Variants in MAPKAP1 observed in about 807,000 individuals in gnomAD.
MAPKAP1 encodes target of rapamycin complex 2 subunit MAPKAP1.
MAPKAP1 carries 20 observed loss-of-function variants against 65.7 expected under a neutral mutation model. That is an observed-to-expected ratio of 0.30 (90% confidence interval 0.21 to 0.44). The LOEUF (loss-of-function observed/expected upper bound fraction) is 0.44, where lower values mean the gene tolerates loss of function less well. Ranked by LOEUF, MAPKAP1 falls within the 20% of genes least tolerant of loss-of-function variation. The probability of loss-of-function intolerance (pLI) is 1.00; values close to 1 mark genes in which losing one functional copy is unlikely to be tolerated. For missense variants in MAPKAP1, 423 were observed against 648.0 expected (o/e 0.65, Z 3.77); for synonymous variants, 222 against 244.3 (o/e 0.91, Z 0.85).
chr9:125,629,597 TG>T (rs1379025443), intron 4 of MAPKAP1, among the ~76,000 whole-genome samples: 1 of 152,198 alleles, frequency 6.6e-6, no homozygotes, highest in African/African-American at 2.4e-5. Context: ...AAAAAGTAGC[TG>T]CCAGGGCTGG....
At chr9:125,479,981 A>C (rs1854248597) in intron 9 of MAPKAP1, among the ~76,000 whole-genome samples, 1 of 152,084 alleles carries the variant, frequency 6.6e-6, no homozygotes, top group East Asian at 1.9e-4. Context: ...AAATAAAATA[A>C]ATTATTTACT....
chr9:125,467,148 T>C (rs1414417399), intron 10 of MAPKAP1, among the ~76,000 whole-genome samples: 2 of 152,236 alleles, frequency 1.3e-5, no homozygotes, highest in Non-Finnish European at 2.9e-5. Context: ...TTGCAGATAA[T>C]GCTTGTCTGT....
chr9:125,546,106 T>C (rs117455021), intron 6 of MAPKAP1, among the ~76,000 whole-genome samples: 4,351 of 152,278 alleles, frequency 0.029, 84 homozygotes, highest in South Asian at 0.058. Flanking sequence ...ACAGCCTCCG[T>C]GCTGAAGCCA....
intron 4 of MAPKAP1, among the ~76,000 whole-genome samples, chr9:125,609,245 T>C (rs1281699259): frequency 6.6e-6 from 1 of 152,212 alleles, no homozygotes; most frequent in Admixed American, 6.5e-5. Context: ...TTGAGGTCTC[T>C]ATAGAAGGGA....
chr9:125,706,002 T>G (rs537759226), intron 1 of MAPKAP1, among the ~76,000 whole-genome samples: 1 of 152,236 alleles, frequency 6.6e-6, no homozygotes, highest in East Asian at 1.9e-4. Flanking sequence ...CACACAGTAG[T>G]TGAAGGTAGG....
chr9:125,513,992 TC>T (rs1829386798), intron 7 of MAPKAP1, among the ~76,000 whole-genome samples: 1 of 152,142 alleles, frequency 6.6e-6, no homozygotes, highest in Admixed American at 6.5e-5. Context: ...CGAGTAAATG[TC>T]AGAACCCACA....
chr9:125,473,785 T>C (rs1018565578), intron 9 of MAPKAP1, among the ~76,000 whole-genome samples: 8 of 152,210 alleles, frequency 5.3e-5, no homozygotes, highest in Non-Finnish European at 1.2e-4. Flanking sequence ...GAAGGCACTA[T>C]TAGCCTATCT....
chr9:125,668,913 G>A (rs1028826160), intron 3 of MAPKAP1, among the ~76,000 whole-genome samples: 5 of 152,364 alleles, frequency 3.3e-5, no homozygotes, highest in South Asian at 2.1e-4. Context: ...GCTGGGCGCA[G>A]TGGCTCACGC....
At chr9:125,632,225 G>GAAAAAAAAAAA (rs57409863) in intron 4 of MAPKAP1, among the ~76,000 whole-genome samples, 7 of 143,324 alleles carry the variant, frequency 4.9e-5, no homozygotes, top group South Asian at 2.2e-4. Flanking sequence ...CCGTCTCAAA[G>GAAAAAAAAAAA]AAAAAAAAAA....
intron 4 of MAPKAP1, among the ~76,000 whole-genome samples, chr9:125,590,060 T>TCA (rs1287261391): frequency 6.6e-6 from 1 of 152,212 alleles, no homozygotes; most frequent in Non-Finnish European, 1.5e-5. Flanking sequence ...CAGACCCAGA[T>TCA]CAGTTGCTTG....
At chr9:125,667,279 T>C (rs1308502138) in intron 3 of MAPKAP1, among the ~76,000 whole-genome samples, 1 of 152,186 alleles carries the variant, frequency 6.6e-6, no homozygotes, top group Admixed American at 6.5e-5. Context: ...CTTCTCACAT[T>C]GTAAAAGGGA....
chr9:125,628,099 G>T (rs1255118862), intron 4 of MAPKAP1, among the ~76,000 whole-genome samples: 1 of 152,146 alleles, frequency 6.6e-6, no homozygotes, highest in Non-Finnish European at 1.5e-5. Context: ...TGAGAGCAAA[G>T]GACATATAAA....
intron 6 of MAPKAP1, among the ~76,000 whole-genome samples, chr9:125,551,690 G>C (rs560844038): frequency 4.0e-5 from 6 of 151,552 alleles, no homozygotes; most frequent in Middle Eastern, 3.4e-3. Context: ...CCCCACTCCA[G>C]AGTAGAATCC....
chr9:125,579,532 A>T (rs1439428088), intron 5 of MAPKAP1, among the ~76,000 whole-genome samples: 1 of 152,266 alleles, frequency 6.6e-6, no homozygotes, highest in East Asian at 1.9e-4. Context: ...ACCTCAGGTG[A>T]TCCACCCACC....
intron 8 of MAPKAP1, among the ~76,000 whole-genome samples, chr9:125,504,462 T>C (rs1829079589): frequency 1.3e-5 from 2 of 152,268 alleles, no homozygotes; most frequent in South Asian, 4.1e-4. Flanking sequence ...CGGAAGAGGC[T>C]GTCTGGGGCC....
chr9:125,494,627 C>G (rs1427097610), intron 8 of MAPKAP1, among the ~76,000 whole-genome samples: 2 of 152,194 alleles, frequency 1.3e-5, no homozygotes, highest in Non-Finnish European at 1.5e-5. Context: ...TAGACCCTTG[C>G]TATCCCTCAG....
chr9:125,693,728 CACATATATACACGTATATAT>C (rs1564620383), intron 1 of MAPKAP1, among the ~76,000 whole-genome samples: 1 of 128,408 alleles, frequency 7.8e-6, no homozygotes, highest in South Asian at 2.2e-4. Flanking sequence ...CACGTATATA[CACATATATACACGTATATAT>C]ACACATATAT....
chr9:125,438,747 C>G lies in MAPKAP1; in HGVS notation c.*140G>C. On this transcript the variant is annotated 3_prime_UTR_variant, in exon 12 of 12. Transcript: ENST00000265960. ...CCTAGGGGGCCCCCGACACCTTCCCCGAGAGCCCACCTGCCCTGTGCCAGT... is the reference window on the plus strand; with the variant it reads ...CCTAGGGGGCCCCCGACACCTTCCCGGAGAGCCCACCTGCCCTGTGCCAGT... 1 of 1,197,372 alleles carries G rather than the reference C, an allele frequency of 8.4e-7. No individual in the cohort carries two copies. Among genetic ancestry groups the G allele is most frequent in the Non-Finnish European group, 1.2e-6 (1 of 853,544 alleles). 74.2% of individuals were successfully genotyped at this position (1,197,372 alleles called of 1,614,324 possible). A position where few individuals can be genotyped will look rare whatever the true frequency, so the allele number is the denominator to read the frequency against.
chr9:125,705,739 G>A (rs1424968768), intron 1 of MAPKAP1, among the ~76,000 whole-genome samples: 1 of 152,204 alleles, frequency 6.6e-6, no homozygotes, highest in Non-Finnish European at 1.5e-5. Context: ...TTGGTTGGGT[G>A]AGGCCAACTC....
Sources: gnomAD v4.1 joint callset for allele counts (sites outside exome capture counted in the v4.1 genomes callset) on GRCh38, gnomAD v4.1.1 for gene constraint, MANE v1.5 for transcripts, NCBI Gene and HGNC (gene_info 2026-07-23, HGNC 2026-07-21) for gene names.